NYNRIN: variants seen among roughly 807,000 people sequenced by gnomAD.
The protein encoded by NYNRIN is NYN domain and retroviral integrase containing.
Under a neutral mutation model 146.6 loss-of-function variants are expected in NYNRIN, and 86 were observed. That is an observed-to-expected ratio of 0.59 (90% CI 0.49 to 0.70). The LOEUF (loss-of-function observed/expected upper bound fraction) is 0.70, where lower values mean the gene tolerates loss of function less well. Among genes scored for constraint, NYNRIN ranks in the 30% least tolerant of loss-of-function variants. The probability of loss-of-function intolerance (pLI) is 0.00; values close to 1 mark genes in which losing one functional copy is unlikely to be tolerated. For synonymous variants in NYNRIN, 1,027 were observed against 1,001.3 expected, an observed-to-expected ratio of 1.03 and a Z score of -0.48; for missense variants, 2,191 against 2,377.7, an observed-to-expected ratio of 0.92 and a Z score of 1.63.
At position 24,414,979 on chromosome 14, in the gene NYNRIN, A is replaced by C. The variant is rs1206614625; in HGVS notation, c.3230A>C (p.Gln1077Pro). The C allele has an allele frequency of 6.3e-7, 1 of 1,595,688 alleles. No homozygotes were observed. Among genetic ancestry groups the C allele is most frequent in the Non-Finnish European group, 8.6e-7 (1 of 1,166,720 alleles). The change falls in exon 9 of 9, where the codon CAG becomes CCG. Residue 1077 changes from glutamine (Q) to proline (P), a missense_variant. Coordinates refer to ENST00000382554, the MANE Select transcript of NYNRIN (RefSeq NM_025081.3). ...TGGGATGGAAAGGCTCCCTGCCAGC[A>C]GGTTCTTGCCCACCTGGCCCAGCTC... ...IPWDGKAPCQ[Q>P]VLAHLAQLTI...
Position 24,399,226 on chromosome 14 carries a change from C to G in NYNRIN, c.-17-4C>G, listed in dbSNP as rs910897081. ...GGGTGACACTATCGTCTCCTTCGTT[C>G]CAGGAGCGGGCGGGGCAGCCATGCT... On this transcript the variant is annotated splice_region_variant and splice_polypyrimidine_tract_variant and intron_variant, in intron 1 of 8. Transcript: ENST00000382554. 4 of 1,611,294 alleles carry G rather than the reference C, an allele frequency of 2.5e-6. No individual in the cohort carries two copies. The highest frequency in any genetic ancestry group is 3.4e-6 in the Non-Finnish European group (4 of 1,178,500).
rs1015374394 is a variant in NYNRIN at position 24,414,905 on chromosome 14, G to A, written c.3156G>A (p.Leu1052=). 39 of 1,605,352 alleles carry A rather than the reference G, an allele frequency of 2.4e-5. No homozygotes were observed. Among genetic ancestry groups the A allele is most frequent in the Non-Finnish European group, 3.2e-5 (37 of 1,173,258 alleles). Residue 1052 remains leucine, a synonymous_variant, in exon 9 of 9, where the codon CTG becomes CTA. Transcript: ENST00000382554. ...LSLHDPPDGA[L]DIDLLPGAAS... ...TCCATGATCCCCCTGATGGGGCCCT[G>A]GACATCGACCTCCTGCCAGGGGCAG...
chr14:24,417,415 C>T lies in NYNRIN; in HGVS notation c.5666C>T (p.Thr1889Ile), dbSNP rs2042955692. 1 of 1,529,684 alleles carries T rather than the reference C, an allele frequency of 6.5e-7. No homozygotes were observed. Among genetic ancestry groups the T allele is most frequent in the Non-Finnish European group, 8.8e-7 (1 of 1,136,018 alleles). The allele number at this position is 1,529,684 out of a possible 1,614,324, so 94.8% of individuals were successfully genotyped here. Residue 1889 changes from threonine (T) to isoleucine (I), a missense_variant, in exon 9 of 9, where the codon ACC (threonine) becomes ATC (isoleucine). Transcript: ENST00000382554. ...SLMKAFAKSG[T>I]PLSFKVLEQ ...ATGAAGGCCTTTGCCAAGAGTGGCA[C>T]CCCGCTGTCCTTCAAGGTCTTGGAG...
chr14:24,400,190 G>A (rs1188198317), intron 2 of NYNRIN, among the ~76,000 whole-genome samples: 1 of 152,156 alleles, frequency 6.6e-6, no homozygotes, highest in African/African-American at 2.4e-5. Context: ...CTGGGAGGAG[G>A]GCTATGGGTT....
chr14:24,399,343 C>A lies in NYNRIN; in HGVS notation c.97C>A (p.Arg33Ser). Residue 33 changes from arginine (R) to serine (S), a missense_variant, in exon 2 of 9, where the codon CGC (arginine) becomes AGC (serine). Coordinates refer to ENST00000382554, the MANE Select transcript of NYNRIN (RefSeq NM_025081.3). The part of the protein sequence containing the change: ...RVQRQRLQVQ[R>S]IFRVKLNAFQ... ...GCAGCGGCAGCGGCTGCAAGTGCAG[C>A]GCATCTTTAGGGTCAAGCTGAACGC... is the stretch of plus-strand genomic sequence containing the variant. 6.2e-7 allele frequency: 1 copy of A among 1,613,832 alleles called. No individual in the cohort carries two copies. The highest frequency in any genetic ancestry group is 8.5e-7 in the Non-Finnish European group (1 of 1,179,826).
rs777933278 is a variant in NYNRIN at position 24,415,026 on chromosome 14, G to T, written c.3277G>T (p.Ala1093Ser). The T allele has an allele frequency of 6.2e-7, 1 of 1,610,112 alleles. No homozygotes were observed. Among genetic ancestry groups the T allele is most frequent in the Admixed American group, 1.7e-5 (1 of 59,828 alleles). Residue 1093 changes from alanine to serine, a missense_variant, in exon 9 of 9, where the codon GCA (alanine) becomes TCA (serine). By Grantham distance (99) the Ala-to-Ser change is moderately conservative. Around this residue, in one of 3 missense-constraint regions of NYNRIN, gnomAD observed 1,291 missense variants for 1,417.0 expected, o/e 0.91. Transcript: ENST00000382554. ...AQLTIPSNFT[A>S]LSFFMGFMDS... ...GCTCACCATCCCCAGCAACTTCACC[G>T]CACTCTCCTTCTTCATGGGCTTCAT... is the stretch of plus-strand genomic sequence containing the variant.
rs762564564 is a variant in NYNRIN at position 24,416,127 on chromosome 14, A to G, written c.4378A>G (p.Lys1460Glu). The part of the protein sequence containing the change: ...QGGGQWWSLP[K>E]DVPAPTVSPH... ...GGGTGGGCAGTGGTGGAGTTTGCCA[A>G]AGGATGTGCCAGCCCCTACAGTGAG... The change falls in exon 9 of 9, where the codon AAG becomes GAG. Residue 1460 changes from lysine (K) to glutamate (E), a missense_variant. Physicochemically the swap from Lys to Glu is moderately conservative, Grantham distance 56 (BLOSUM62 1). Transcript: ENST00000382554. The G allele has an allele frequency of 1.2e-6, 2 of 1,613,932 alleles. No homozygotes were observed. The highest frequency in any genetic ancestry group is 1.7e-6 in the Non-Finnish European group (2 of 1,179,862).
chr14:24,409,676 C>T lies in NYNRIN; in HGVS notation c.1882C>T (p.Gln628Ter), dbSNP rs1479582727. The T allele has an allele frequency of 2.5e-6, 4 of 1,606,656 alleles. No homozygotes were observed. Among genetic ancestry groups the T allele is most frequent in the Admixed American group, 3.4e-5 (2 of 58,856 alleles). The part of the protein sequence containing the change: ...EPTTPKTPQA[Q>*]KMPVAKTSPA... The stretch of plus-strand genomic sequence containing the variant: ...CACAACTCCAAAAACTCCCCAGGCT[C>T]AGAAGATGCCTGTAGCAAAAACATC... Residue 628 changes from glutamine to a stop codon, truncating the protein, a stop_gained, in exon 4 of 9, where the codon CAG (glutamine) becomes TAG (stop). Coordinates refer to ENST00000382554, the MANE Select transcript of NYNRIN (RefSeq NM_025081.3). LOFTEE classifies it high-confidence loss of function.
intron 2 of NYNRIN, among the ~76,000 whole-genome samples, chr14:24,400,965 T>A (rs1301719175): frequency 6.6e-6 from 1 of 152,026 alleles, no homozygotes; most frequent in Admixed American, 6.6e-5. Flanking sequence ...AATTTTTGTA[T>A]TTTAGTAGAG....
chr14:24,414,687 T>C lies in NYNRIN; in HGVS notation c.2938T>C (p.Ser980Pro), dbSNP rs1211288948. The C allele has an allele frequency of 1.9e-6, 3 of 1,613,682 alleles. No homozygotes were observed. The highest frequency in any genetic ancestry group is 2.5e-6 in the Non-Finnish European group (3 of 1,179,774). ...SVTELSDDAD[S>P]GPLESLPNME... ...CACTGAGCTGAGTGATGACGCTGAC[T>C]CTGGGCCCCTGGAGAGTCTGCCGAA... The change falls in exon 9 of 9, where the codon TCT becomes CCT. Residue 980 changes from serine to proline, a missense_variant. Around this residue, in one of 3 missense-constraint regions of NYNRIN, gnomAD observed 1,291 missense variants for 1,417.0 expected, o/e 0.91. Coordinates refer to ENST00000382554, the MANE Select transcript of NYNRIN (RefSeq NM_025081.3).
chr14:24,399,167 G>T (rs2042823511), intron 1 of NYNRIN, 63 bp from the exon 2 acceptor site: 4 of 1,377,996 alleles, frequency 2.9e-6, no homozygotes, highest in East Asian at 2.4e-5. Flanking sequence ...GGCGCCTGGG[G>T]CTGGGGGCTG....
At chr14:24,402,236 C>G (rs1371629950) in intron 2 of NYNRIN, among the ~76,000 whole-genome samples, 1 of 152,040 alleles carries the variant, frequency 6.6e-6, no homozygotes, top group Non-Finnish European at 1.5e-5. Flanking sequence ...AAACACATAC[C>G]CAGGCAGCAA....
intron 2 of NYNRIN, among the ~76,000 whole-genome samples, chr14:24,406,777 A>C (rs2042877765): frequency 6.6e-6 from 1 of 152,340 alleles, no homozygotes; most frequent in South Asian, 2.1e-4. Flanking sequence ...GCATGGGGGC[A>C]TATGAAGTCC....
intron 8 of NYNRIN, among the ~76,000 whole-genome samples, chr14:24,414,033 A>G (rs11627439): frequency 0.16 from 23,601 of 152,224 alleles, 1,909 homozygotes; most frequent in Non-Finnish European, 0.18. Flanking sequence ...TGCCAGCACA[A>G]TTGGTTTGCA....
At chr14:24,408,571 G>C in intron 3 of NYNRIN, 44 bp downstream of exon 3, 1 of 1,537,354 alleles carries the variant, frequency 6.5e-7, no homozygotes, top group Non-Finnish European at 8.7e-7. Context: ...TCCTACCCCT[G>C]CTCCCCTACC....
In NYNRIN at chr14:24,415,303, C is replaced by T. The variant is rs574649411; in HGVS notation, c.3554C>T (p.Pro1185Leu). The change falls in exon 9 of 9, where the codon CCC becomes CTC. Residue 1185 changes from proline to leucine, a missense_variant. Pro to Leu is a moderately conservative substitution (Grantham distance 98). Coordinates refer to ENST00000382554, the MANE Select transcript of NYNRIN (RefSeq NM_025081.3). ...LHQEHSGRKH[P>L]IAYTSKPLLP... ...CAGGAGCACTCAGGGAGGAAGCACC[C>T]CATAGCCTATACCTCAAAACCCCTC... 2 of 1,613,946 alleles carry T rather than the reference C, an allele frequency of 1.2e-6. No homozygotes were observed. Among genetic ancestry groups the T allele is most frequent in the African/African-American group, 2.7e-5 (2 of 75,034 alleles).
chr14:24,416,804 T>G lies in NYNRIN; in HGVS notation c.5055T>G (p.Phe1685Leu). The stretch of plus-strand genomic sequence containing the variant: ...TGGAGGCAGCCCAGGGGCCCCAGTT[T>G]GCCCGGCACGTCCTTGTGAGCTGTG... ...VRLEAAQGPQFARHVLVSCGL... is the reference protein window; with the variant it reads ...VRLEAAQGPQLARHVLVSCGL... The change falls in exon 9 of 9, where the codon TTT becomes TTG. Residue 1685 changes from phenylalanine (F) to leucine (L), a missense_variant. Physicochemically the swap from Phe to Leu is conservative, Grantham distance 22. Transcript: ENST00000382554. 1 of 1,612,554 alleles carries G rather than the reference T, an allele frequency of 6.2e-7. No individual in the cohort carries two copies. Among genetic ancestry groups the G allele is most frequent in the Non-Finnish European group, 8.5e-7 (1 of 1,179,136 alleles).
Position 24,408,726 on chromosome 14 carries a change from A to G in NYNRIN, c.932A>G (p.Asp311Gly), listed in dbSNP as rs1459542080. Residue 311 changes from aspartate to glycine, a missense_variant, in exon 4 of 9, where the codon GAC becomes GGC. Physicochemically the swap from Asp to Gly is moderately conservative, Grantham distance 94. Coordinates refer to ENST00000382554, the MANE Select transcript of NYNRIN (RefSeq NM_025081.3). Reference sequence around the variant, plus strand: ...ACAGTGCAAGCCACCAGCAGCCAGGACTCCACGAACCACACACAAGCCTTG... The same window carrying G: ...ACAGTGCAAGCCACCAGCAGCCAGGGCTCCACGAACCACACACAAGCCTTG... ...EGTVQATSSQ[D>G]STNHTQALLK... The G allele has an allele frequency of 6.2e-6, 10 of 1,613,758 alleles. No individual in the cohort carries two copies. Among genetic ancestry groups the G allele is most frequent in the Non-Finnish European group, 8.5e-6 (10 of 1,179,850 alleles).
Position 24,416,754 on chromosome 14 carries a change from G to A in NYNRIN, c.5005G>A (p.Ala1669Thr). 6.2e-7 allele frequency: 1 copy of A among 1,613,858 alleles called. No homozygotes were observed. The highest frequency in any genetic ancestry group is 8.5e-7 in the Non-Finnish European group (1 of 1,179,876). The stretch of plus-strand genomic sequence containing the variant: ...CCAGGTGCTGCTTCAGCATGTGTTT[G>A]CAAGGTGGGGTGTTCCTGTGAGGCT... ...VAQVLLQHVF[A>T]RWGVPVRLEA... The change falls in exon 9 of 9, where the codon GCA becomes ACA. Residue 1669 changes from alanine (A) to threonine (T), a missense_variant. By Grantham distance (58) the Ala-to-Thr change is moderately conservative. Transcript: ENST00000382554.
Sources: gnomAD v4.1 joint callset for allele counts (sites outside exome capture counted in the v4.1 genomes callset) on GRCh38, gnomAD v4.1.1 for gene constraint, gnomAD v4.1.1 regional missense constraint, MANE v1.5 for transcripts, NCBI Gene and HGNC (gene_info 2026-07-23, HGNC 2026-07-21) for gene names.